The following SPTAN1 variants were observed in gnomAD, a reference collection of about 807,000 sequenced individuals.
The protein encoded by SPTAN1 is spectrin alpha chain, non-erythrocytic 1.
In SPTAN1, 61 loss-of-function variants were observed where a neutral mutation model predicts 331.3. The ratio of observed to expected loss-of-function variants is 0.18; its 90% CI spans 0.15 to 0.23. SPTAN1 has a LOEUF of 0.23. Ranked by LOEUF, SPTAN1 falls within the 10% of genes least tolerant of loss-of-function variation. The pLI is 1.00. For missense variants in SPTAN1, 2,043 were observed against 3,147.9 expected (o/e 0.65, Z 8.40); for synonymous variants, 1,153 against 1,173.9 (o/e 0.98, Z 0.36).
rs1274874784 is a variant in SPTAN1 at position 128,607,962 on chromosome 9, A to G, written c.4257A>G (p.Lys1419=). 5.0e-6 allele frequency: 8 copies of G among 1,614,010 alleles called. No homozygotes were observed. The highest frequency in any genetic ancestry group is 6.8e-6 in the Non-Finnish European group (8 of 1,180,012). ...ATGCCAGCCCTGAGATCAAGCAGAA[A>G]CTTGATATTCTTGACCAGGAGCGTG... The part of the protein sequence containing the change: ...GHYASPEIKQ[K]LDILDQERAD... The change falls in exon 33 of 57, where the codon AAA becomes AAG. Residue 1419 remains lysine, a synonymous_variant. Transcript: ENST00000372739.
At chr9:128,561,015 C>CAAAAAAA (rs10648319) in intron 1 of SPTAN1, among the ~76,000 whole-genome samples, 4 of 60,264 alleles carry the variant, frequency 6.6e-5, no homozygotes, top group East Asian at 5.2e-4. Context: ...GACCCCATCT[C>CAAAAAAA]AAAAAAAAAA....
intron 51 of SPTAN1, 82 bp downstream of exon 51, chr9:128,628,024 A>G (rs1589396446): frequency 6.4e-7 from 1 of 1,568,136 alleles, no homozygotes; most frequent in Non-Finnish European, 8.8e-7. Flanking sequence ...CTTGTGGAGG[A>G]TCCCGGGATG....
chr9:128,577,533 C>T lies in SPTAN1; in HGVS notation c.1085+27C>T, dbSNP rs2131017329. 1 of 1,612,570 alleles carries T rather than the reference C, an allele frequency of 6.2e-7. No individual in the cohort carries two copies. The highest frequency in any genetic ancestry group is 8.5e-7 in the Non-Finnish European group (1 of 1,180,012). ...TGCAAATAATGCTCCAGGTCTTAAC[C>T]AGTATCATTTGGCTTCTTTTTTGGA... On this transcript the variant is annotated intron_variant, in intron 8 of 56. Transcript: ENST00000372739. The surrounding 1 kb of genome is among the most constrained non-coding windows in gnomAD (Gnocchi z 4.2).
At chr9:128,597,243 A>G (rs1249957349) in intron 24 of SPTAN1, among the ~76,000 whole-genome samples, 2 of 152,118 alleles carry the variant, frequency 1.3e-5, no homozygotes, top group African/African-American at 2.4e-5. Flanking sequence ...AACTTAAGCA[A>G]TCCTCCTGCT....
intron 12 of SPTAN1, 144 bp from the exon 13 acceptor site, chr9:128,582,335 T>C (rs1852047684): frequency 1.4e-6 from 1 of 725,976 alleles, no homozygotes; most frequent in Admixed American, 2.2e-5. Context: ...TGAGAAAAAA[T>C]GTCATCACCA....
chr9:128,587,838 G>GATTT lies in SPTAN1; in HGVS notation c.2871+162_2871+165dup, dbSNP rs573630377. The GATTT allele has an allele frequency of 1.7e-3, 1,172 of 691,836 alleles. 10 individuals are homozygous for GATTT. Among genetic ancestry groups the GATTT allele is most frequent in the African/African-American group, 0.015 (819 of 54,956 alleles). The allele number at this position is 691,836 out of a possible 1,614,324, so 42.9% of individuals were successfully genotyped here. ...CAAAGATTTACAGAGTTTAAAATAA[G>GATTT]ATTTATTTATTTATTTATTTATTTA... On this transcript the variant is annotated intron_variant, in intron 20 of 56. Transcript: ENST00000372739.
At chr9:128,578,070 C>G (rs1851507175) in intron 8 of SPTAN1, 40 bp from the exon 9 acceptor site, 3 of 1,613,532 alleles carry the variant, frequency 1.9e-6, no homozygotes, top group South Asian at 2.2e-5. Context: ...ACCCTGGAAC[C>G]TCCGCTGGAA....
Position 128,587,259 on chromosome 9 carries a change from A to G in SPTAN1, c.2779-347A>G, listed in dbSNP as rs1343272296. 2.7e-4 allele frequency among the ~76,000 whole-genome samples: 41 copies of G among 151,318 alleles called. 1 individual carries two copies. On this transcript the variant is annotated intron_variant, in intron 19 of 56. Transcript: ENST00000372739. ...ACCATCACATCTGGCTAATTTTTGTATTTTCTGTAGAGATGAGGTTTCAGT... is the reference window on the plus strand; with the variant it reads ...ACCATCACATCTGGCTAATTTTTGTGTTTTCTGTAGAGATGAGGTTTCAGT...
Position 128,633,112 on chromosome 9 carries a change from A to G in SPTAN1, c.7309-97A>G, listed in dbSNP as rs538085253. ...ACAGAAGTCCCGGATCTGCTTGTAG[A>G]AGCAGCTCCGAGCCCCCAGCATCCT... On this transcript the variant is annotated intron_variant, in intron 56 of 56. Coordinates refer to ENST00000372739, the MANE Select transcript of SPTAN1 (RefSeq NM_001130438.3). 1.9e-6 allele frequency: 3 copies of G among 1,601,410 alleles called. No individual in the cohort carries two copies. The South Asian group carries it at 3.3e-5, about 18-fold the overall frequency.
At chr9:128,575,789 C>G (rs1418103815) in intron 5 of SPTAN1, among the ~76,000 whole-genome samples, 1 of 152,146 alleles carries the variant, frequency 6.6e-6, no homozygotes, top group East Asian at 1.9e-4. Flanking sequence ...AATAGGCTCT[C>G]CACTCTGGCG....
chr9:128,622,944 G>T (rs1274398876), intron 45 of SPTAN1, among the ~76,000 whole-genome samples: 2 of 151,610 alleles, frequency 1.3e-5, no homozygotes, highest in East Asian at 2.0e-4. Context: ...TTAGAGATGG[G>T]GTTTCACCAT....
At position 128,627,040 on chromosome 9, in the gene SPTAN1, T is replaced by G. The variant is rs1039873581; in HGVS notation, c.6577-346T>G. On this transcript the variant is annotated intron_variant, in intron 49 of 56. Coordinates refer to ENST00000372739, the MANE Select transcript of SPTAN1 (RefSeq NM_001130438.3). The surrounding 1 kb of genome is among the most constrained non-coding windows in gnomAD (Gnocchi z 4.9). ...GTTGCCCAGGCTGGTCTTCAACTCC[T>G]GGCCTCAAGCAGTCCTCCTGCCCAG... 1.6e-5 allele frequency: 9 copies of G among 546,114 alleles called. No individual in the cohort carries two copies. Among genetic ancestry groups the G allele is most frequent in the East Asian group, 4.7e-5 (1 of 21,370 alleles). 33.8% of individuals were successfully genotyped at this position (546,114 alleles called of 1,614,324 possible).
At chr9:128,618,254 C>A in intron 43 of SPTAN1, 146 bp downstream of exon 43, 2 of 1,212,858 alleles carry the variant, frequency 1.6e-6, no homozygotes, top group Non-Finnish European at 2.4e-6. Flanking sequence ...TGCTCCAGAG[C>A]CACCTCCTAC....
chr9:128,626,205 A>G, intron 48 of SPTAN1, 186 bp from the exon 49 acceptor site: 7 of 933,956 alleles, frequency 7.5e-6, no homozygotes, highest in Non-Finnish European at 1.2e-5. Context: ...GGCAAAGGGT[A>G]GGAAGGGGAA....
rs765477570 is a variant in SPTAN1, at chr9:128,613,501, C to A, written c.5148+16C>A. 6.2e-7 allele frequency: 1 copy of A among 1,607,674 alleles called. No individual in the cohort carries two copies. The highest frequency in any genetic ancestry group is 1.1e-5 in the South Asian group (1 of 90,936). ...TGCCCATGAGGTAAGCAAAGGGAGG[C>A]GGGCCAGGCCCGAGTGCCTGGGACA... On this transcript the variant is annotated intron_variant, in intron 40 of 56. Transcript: ENST00000372739.
chr9:128,631,375 C>G (rs987588705), intron 52 of SPTAN1: 1 of 152,224 alleles, frequency 6.6e-6, no homozygotes, highest in East Asian at 1.9e-4. Context: ...AGGAGAATCA[C>G]TTGATTCTGG....
At chr9:128,578,404 G>T (rs543556144) in intron 9 of SPTAN1, among the ~76,000 whole-genome samples, 159 bp downstream of exon 9, 112 of 152,248 alleles carry the variant, frequency 7.4e-4, no homozygotes, top group African/African-American at 2.7e-3. Context: ...TGGAGACCTG[G>T]TCTACCTGCT....
At chr9:128,628,302 G>A in intron 51 of SPTAN1, 1 of 413,188 alleles carries the variant, frequency 2.4e-6, no homozygotes, top group Non-Finnish European at 4.6e-6. Context: ...TCTCACCTCT[G>A]CTTCCCCAGC....
rs1268252476 is a variant in SPTAN1, at chr9:128,619,026, C to T, written c.5733+23C>T. 6 of 1,613,076 alleles carry T rather than the reference C, an allele frequency of 3.7e-6. No homozygotes were observed. In the South Asian group the frequency reaches 5.5e-5, roughly 15 times the overall value. ...CAGGTGAGACAGAAACCAAAGGTGT[C>T]ACCTGCTTTCTCTCTTGGCAACTGC... On this transcript the variant is annotated intron_variant, in intron 44 of 56. Coordinates refer to ENST00000372739, the MANE Select transcript of SPTAN1 (RefSeq NM_001130438.3).
Sources: allele counts gnomAD v4.1 joint callset (sites outside exome capture counted in the v4.1 genomes callset), GRCh38; gene constraint gnomAD v4.1.1; non-coding constraint Gnocchi (gnomAD v3.1); transcripts MANE v1.5; gene names NCBI Gene and HGNC (gene_info 2026-07-23, HGNC 2026-07-21).